TENM1: variants seen among roughly 807,000 people sequenced by gnomAD.
The protein encoded by TENM1 is teneurin transmembrane protein 1.
Under a neutral mutation model 174.8 loss-of-function variants are expected in TENM1, and 35 were observed. The observed-to-expected ratio is 0.20, with a 90% CI of 0.15 to 0.27. TENM1 has a LOEUF of 0.27. TENM1 is among the 10% of genes least tolerant of loss of function. The pLI, the probability that TENM1 is intolerant of heterozygous loss-of-function variation, is 1.00. For synonymous variants in TENM1, 781 were observed against 798.7 expected, an observed-to-expected ratio of 0.98 and a Z score of 0.37; for missense variants, 1,633 against 2,130.1, an observed-to-expected ratio of 0.77 and a Z score of 4.59.
At chrX:124,968,481 C>T (rs892413290), upstream of TENM1, among the ~76,000 whole-genome samples, 1 of 110,983 alleles carries the variant, frequency 9.0e-6, no homozygotes, top group Non-Finnish European at 1.9e-5. Flanking sequence ...TTATTTGTAA[C>T]GAGAGAGAGA....
At chrX:125,025,016 A>G in the TENM1 span, among the ~76,000 whole-genome samples, 8 of 111,459 alleles carry the variant, frequency 7.2e-5, no homozygotes, top group African/African-American at 2.6e-4. Context: ...TGTGACCTTC[A>G]GTTTTATACT....
At position 124,705,216 on chromosome X, in the gene TENM1, G is replaced by A. The variant is rs748920263; in HGVS notation, c.812C>T (p.Ala271Val). Residue 271 changes from alanine (A) to valine (V), a missense_variant, in exon 5 of 32, where the codon GCG (alanine) becomes GTG (valine). Ala to Val is a moderately conservative substitution (Grantham distance 64). Around this residue, in one of 4 missense-constraint regions of TENM1, gnomAD observed 305 missense variants for 309.2 expected, o/e 0.99. Transcript: ENST00000422452. The stretch of plus-strand genomic sequence containing the variant: ...GTTCTGACTGGCTGCACTGAAGATC[G>A]CAGAGGAACCAGATCCATGTTTGAA... 25 of 1,203,271 alleles carry A rather than the reference G, an allele frequency of 2.1e-5. No individual in the cohort carries two copies. The highest frequency in any genetic ancestry group is 2.8e-5 in the Non-Finnish European group (25 of 891,156).
chrX:125,055,034 C>A, the TENM1 span, among the ~76,000 whole-genome samples: 1 of 111,733 alleles, frequency 8.9e-6, no homozygotes, highest in East Asian at 2.8e-4. Context: ...CAATATCCGT[C>A]ACTTTCTAAA....
At chrX:124,456,131 G>T (rs1458805993) in intron 22 of TENM1, among the ~76,000 whole-genome samples, 1 of 112,012 alleles carries the variant, frequency 8.9e-6, no homozygotes, top group Non-Finnish European at 1.9e-5. Context: ...TTTGAAATAA[G>T]TCTGGGCTTA....
intron 14 of TENM1, among the ~76,000 whole-genome samples, chrX:124,554,446 G>A (rs1482152508): frequency 2.7e-5 from 3 of 111,754 alleles, no homozygotes; most frequent in Non-Finnish European, 3.8e-5. Flanking sequence ...TGCATCTGGA[G>A]GCACTTGGGC....
At chrX:124,558,761 A>G (rs1602661117) in intron 14 of TENM1, among the ~76,000 whole-genome samples, 2 of 111,505 alleles carry the variant, frequency 1.8e-5, no homozygotes, top group East Asian at 5.6e-4. Flanking sequence ...ATCTATATTT[A>G]TCATCAATAT....
At chrX:125,123,392 C>T in the TENM1 span, among the ~76,000 whole-genome samples, 1 of 107,289 alleles carries the variant, frequency 9.3e-6, no homozygotes, top group Non-Finnish European at 1.9e-5. Flanking sequence ...CAAGGCCAGC[C>T]TGAGCAACAT....
intron 1 of TENM1, among the ~76,000 whole-genome samples, chrX:124,943,624 C>T (rs1175450643): frequency 1.8e-5 from 2 of 111,996 alleles, no homozygotes; most frequent in East Asian, 5.6e-4. Context: ...ATTGAATTAT[C>T]TAATTGGCTA....
At chrX:124,552,388 T>C (rs1198369921) in intron 14 of TENM1, among the ~76,000 whole-genome samples, 1 of 107,716 alleles carries the variant, frequency 9.3e-6, no homozygotes, top group Non-Finnish European at 1.9e-5. Context: ...CCTCTGGAAA[T>C]AGTCTATAAT....
At chrX:125,134,171 G>A in the TENM1 span, among the ~76,000 whole-genome samples, 1 of 111,901 alleles carries the variant, frequency 8.9e-6, no homozygotes, top group Non-Finnish European at 1.9e-5. Flanking sequence ...GATTACAAGA[G>A]CTCACTGTAG....
At chrX:124,931,727 T>G (rs889881371) in intron 1 of TENM1, among the ~76,000 whole-genome samples, 10 of 111,158 alleles carry the variant, frequency 9.0e-5, no homozygotes, top group Admixed American at 8.7e-4. Flanking sequence ...ACATTTTCTG[T>G]GGCCTACGCT....
intron 20 of TENM1, 149 bp from the exon 24 acceptor site, chrX:124,487,378 C>G (rs950021658): frequency 1.6e-5 from 8 of 490,740 alleles, no homozygotes; most frequent in Non-Finnish European, 2.7e-5. Context: ...TTTAGTCAGG[C>G]GTGCAAGCCA....
intron 25 of TENM1, among the ~76,000 whole-genome samples, chrX:124,407,790 T>C (rs1168368201): frequency 8.8e-6 from 1 of 113,104 alleles, no homozygotes; most frequent in African/African-American, 3.2e-5. Context: ...CATATGTGAA[T>C]AGAATGAATC....
At chrX:124,674,592 G>A (rs1353455638) in intron 5 of TENM1, among the ~76,000 whole-genome samples, 2 of 111,347 alleles carry the variant, frequency 1.8e-5, no homozygotes, top group Non-Finnish European at 3.8e-5. Context: ...AGTGCTGCCT[G>A]ATGAATTTCT....
intron 3 of TENM1, among the ~76,000 whole-genome samples, chrX:124,806,747 G>A (rs1338316326): frequency 1.8e-5 from 2 of 111,500 alleles, no homozygotes; most frequent in Admixed American, 1.9e-4. Flanking sequence ...CAGGAAGCAC[G>A]GCATCAGCAT....
chrX:124,738,663 C>T (rs1418764700), intron 3 of TENM1, among the ~76,000 whole-genome samples: 1 of 111,658 alleles, frequency 9.0e-6, no homozygotes, highest in Non-Finnish European at 1.9e-5. Flanking sequence ...AGCTCAAATC[C>T]CATATTCACT....
chrX:124,576,279 C>T (rs2858427), intron 11 of TENM1, among the ~76,000 whole-genome samples: 25,459 of 110,367 alleles, frequency 0.23, 2,253 homozygotes, highest in South Asian at 0.38. Context: ...AGGCCGGTCT[C>T]GAACTCCTGA....
chrX:124,697,350 G>A (rs2052674655), intron 5 of TENM1, among the ~76,000 whole-genome samples: 1 of 111,275 alleles, frequency 9.0e-6, no homozygotes, highest in Admixed American at 9.6e-5. Context: ...CCCCAAGGAA[G>A]GTGTTCCTGA....
rs1298708349 is a variant in TENM1 at position 124,641,941 on chromosome X, C to T, written c.1927G>A (p.Glu643Lys). 3.3e-6 allele frequency: 4 copies of T among 1,211,804 alleles called. No individual in the cohort carries two copies. In the African/African-American group the frequency reaches 5.2e-5, roughly 16 times the overall value. ...CCCCAGCCAGTAGAACAGTGACATTCTCCTTTTACACAGATGCCATGGTTG... is the reference window on the plus strand; with the variant it reads ...CCCCAGCCAGTAGAACAGTGACATTTTCCTTTTACACAGATGCCATGGTTG... The change falls in exon 11 of 32, where the codon GAA (glutamate) becomes AAA (lysine). Residue 643 changes from glutamate (E) to lysine (K), a missense_variant. Physicochemically the swap from Glu to Lys is moderately conservative, Grantham distance 56 (BLOSUM62 1). Transcript: ENST00000422452.
Sources: gnomAD v4.1 joint callset for allele counts (sites outside exome capture counted in the v4.1 genomes callset) on GRCh38, gnomAD v4.1.1 for gene constraint, gnomAD v4.1.1 regional missense constraint, MANE v1.5 for transcripts, NCBI Gene and HGNC (gene_info 2026-07-23, HGNC 2026-07-21) for gene names.